The following GABRG2 variants were observed in gnomAD, a reference collection of about 807,000 sequenced individuals.
GABRG2 encodes gamma-aminobutyric acid receptor subunit gamma-2.
GABRG2 carries 16 observed loss-of-function variants against 56.4 expected under a neutral mutation model. That is an observed-to-expected ratio of 0.28 (90% CI 0.19 to 0.43). The LOEUF (loss-of-function observed/expected upper bound fraction) is 0.43. GABRG2 is among the 20% of genes least tolerant of loss of function. The probability of loss-of-function intolerance (pLI) is 1.00; values close to 1 mark genes in which losing one functional copy is unlikely to be tolerated. For missense variants in GABRG2, 327 were observed against 582.7 expected (o/e 0.56, Z 4.52); for synonymous variants, 208 against 205.5 (o/e 1.01, Z -0.10).
At chr5:162,112,947 T>G (rs1452245852) in intron 6 of GABRG2, among the ~76,000 whole-genome samples, 1 of 152,036 alleles carries the variant, frequency 6.6e-6, no homozygotes, top group Non-Finnish European at 1.5e-5. Flanking sequence ...ATTTTTTATT[T>G]TATTTTATTA....
At chr5:162,068,657 T>C (rs1422082315) in intron 1 of GABRG2, among the ~76,000 whole-genome samples, 1 of 152,116 alleles carries the variant, frequency 6.6e-6, no homozygotes, top group Admixed American at 6.6e-5. Flanking sequence ...AACAGCCAAC[T>C]ACCCGTGTGC....
intron 6 of GABRG2, among the ~76,000 whole-genome samples, chr5:162,108,884 A>T (rs868650648): frequency 2.2e-4 from 33 of 152,282 alleles, no homozygotes; most frequent in African/African-American, 7.7e-4. Flanking sequence ...ACATTTTCTT[A>T]ATCCAGTCTA....
At chr5:162,094,726 A>G (rs1760872254) in intron 2 of GABRG2, 2 of 152,398 alleles carry the variant, frequency 1.3e-5, no homozygotes, top group Admixed American at 6.6e-5. Flanking sequence ...AGTCCACCAC[A>G]GTGAGTTAGG....
rs550064936 is a variant in GABRG2, at chr5:162,125,603, G to A, written c.770-16561G>A. On this transcript the variant is annotated intron_variant, in intron 6 of 9. Transcript: ENST00000639213. ...AAAAGTTATTAAGGCAAGAAGACAC[G>A]TCAGTTGTCCAAAGAACAGCAAGAA... Among the ~76,000 whole-genome samples the A allele has an allele frequency of 6.6e-5, 10 of 151,798 alleles. No individual in the cohort carries two copies. In the South Asian group the frequency reaches 1.0e-3, roughly 16 times the overall value.
chr5:162,139,223 A>G (rs982588791), intron 6 of GABRG2, among the ~76,000 whole-genome samples: 4 of 152,354 alleles, frequency 2.6e-5, no homozygotes, highest in East Asian at 1.9e-4. Context: ...GTTAGGATAA[A>G]TCAATAGGAG....
chr5:162,118,270 C>G (rs945891665), intron 6 of GABRG2, among the ~76,000 whole-genome samples: 1 of 150,580 alleles, frequency 6.6e-6, no homozygotes, highest in Non-Finnish European at 1.5e-5. Flanking sequence ...CACGTATTTT[C>G]AAGGTACTCA....
intron 5 of GABRG2, 60 bp from the exon 6 acceptor site, chr5:162,103,829 G>C: frequency 1.3e-6 from 2 of 1,577,328 alleles, no homozygotes; most frequent in Non-Finnish European, 1.7e-6. Context: ...CATAGAAGAT[G>C]GTTGCTACAT....
At chr5:162,079,448 C>A (rs950402525) in intron 1 of GABRG2, among the ~76,000 whole-genome samples, 8 of 152,126 alleles carry the variant, frequency 5.3e-5, no homozygotes, top group Admixed American at 5.2e-4. Flanking sequence ...AGGTGACCTA[C>A]ACTATATTAT....
At chr5:162,070,912 T>A (rs1459796931) in intron 1 of GABRG2, among the ~76,000 whole-genome samples, 1 of 151,946 alleles carries the variant, frequency 6.6e-6, no homozygotes, top group African/African-American at 2.4e-5. Flanking sequence ...GTCTATACTT[T>A]TCTGATTTCC....
At chr5:162,130,586 CTTA>C (rs1019117682) in intron 6 of GABRG2, among the ~76,000 whole-genome samples, 3 of 151,970 alleles carry the variant, frequency 2.0e-5, no homozygotes, top group African/African-American at 7.2e-5. Context: ...TACTAATACG[CTTA>C]TTTCTCCAAA....
intron 6 of GABRG2, among the ~76,000 whole-genome samples, chr5:162,123,978 C>T (rs1174952542): frequency 1.3e-5 from 2 of 151,774 alleles, no homozygotes; most frequent in Non-Finnish European, 2.9e-5. Context: ...TCCATATAAG[C>T]AAAATGCAGC....
At chr5:162,071,427 G>A (rs1371618880) in intron 1 of GABRG2, among the ~76,000 whole-genome samples, 2 of 151,660 alleles carry the variant, frequency 1.3e-5, no homozygotes, top group African/African-American at 2.4e-5. Flanking sequence ...GATAAATTGA[G>A]CAGAAATAAA....
intron 6 of GABRG2, among the ~76,000 whole-genome samples, chr5:162,140,063 C>T (rs1012608644): frequency 6.6e-6 from 1 of 152,124 alleles, no homozygotes; most frequent in African/African-American, 2.4e-5. Context: ...TTATGAAATG[C>T]TATGGCTTTA....
At chr5:162,137,185 A>T (rs1446945306) in intron 6 of GABRG2, among the ~76,000 whole-genome samples, 1 of 152,216 alleles carries the variant, frequency 6.6e-6, no homozygotes, top group East Asian at 1.9e-4. Context: ...TGAGTATTCT[A>T]CCTAGACTTC....
At chr5:162,125,656 A>G (rs753748487) in intron 6 of GABRG2, among the ~76,000 whole-genome samples, 9 of 151,730 alleles carry the variant, frequency 5.9e-5, no homozygotes, top group Non-Finnish European at 1.2e-4. Context: ...GTAGGCATCA[A>G]GCAGAAGAAA....
chr5:162,123,600 C>T lies in GABRG2; in HGVS notation c.770-18564C>T, dbSNP rs190950937. 1.1e-3 allele frequency among the ~76,000 whole-genome samples: 167 copies of T among 151,886 alleles called. 1 individual carries two copies. Among genetic ancestry groups the T allele is most frequent in the African/African-American group, 3.9e-3 (162 of 41,500 alleles). On this transcript the variant is annotated intron_variant, in intron 6 of 9. Coordinates refer to ENST00000639213, the MANE Select transcript of GABRG2 (RefSeq NM_198904.4). The stretch of plus-strand genomic sequence containing the variant: ...GTGTGTGTCTGTTTACATATAATCA[C>T]ATGTATATTTTTAAAGACTGACAGT...
At chr5:162,137,932 T>A (rs1277230838) in intron 6 of GABRG2, among the ~76,000 whole-genome samples, 2 of 151,806 alleles carry the variant, frequency 1.3e-5, no homozygotes, top group African/African-American at 4.8e-5. Flanking sequence ...TTGGTATTTT[T>A]TTTTTTTTGT....
chr5:162,093,293 AC>A (rs1728917615), intron 1 of GABRG2, among the ~76,000 whole-genome samples: 1 of 152,036 alleles, frequency 6.6e-6, no homozygotes, highest in South Asian at 2.1e-4. Context: ...ACATAAACAC[AC>A]CCTGGGGGAA....
At chr5:162,107,924 C>T (rs965758406) in intron 6 of GABRG2, among the ~76,000 whole-genome samples, 1 of 152,140 alleles carries the variant, frequency 6.6e-6, no homozygotes. Context: ...GTGTCAGTAG[C>T]TTATTAAGTT....
Sources: allele counts gnomAD v4.1 joint callset (sites outside exome capture counted in the v4.1 genomes callset), GRCh38; gene constraint gnomAD v4.1.1; transcripts MANE v1.5; gene names NCBI Gene and HGNC (gene_info 2026-07-23, HGNC 2026-07-21).